CTNND2: variants seen among roughly 807,000 people sequenced by gnomAD.
The protein encoded by CTNND2 is catenin delta 2, also known as catenin delta-2.
Under a neutral mutation model 144.4 loss-of-function variants are expected in CTNND2, and 22 were observed. That is an observed-to-expected ratio of 0.15 (90% CI 0.11 to 0.22). The LOEUF is 0.22. Among genes scored for constraint, CTNND2 ranks in the 10% least tolerant of loss-of-function variants. CTNND2 has a pLI of 1.00. For synonymous variants in CTNND2, 751 were observed against 695.6 expected (o/e 1.08, Z -1.25); for missense variants, 1,353 against 1,618.8 (o/e 0.84, Z 2.82).
intron 2 of CTNND2, among the ~76,000 whole-genome samples, chr5:11,586,417 T>G (rs1410538137): frequency 3.2e-4 from 49 of 152,210 alleles, no homozygotes; most frequent in Admixed American, 3.2e-3. Context: ...CAAAAAACAT[T>G]TGTTGAATAC....
At chr5:11,050,576 T>C (rs538728183) in intron 16 of CTNND2, among the ~76,000 whole-genome samples, 13 of 152,326 alleles carry the variant, frequency 8.5e-5, no homozygotes, top group Non-Finnish European at 1.8e-4. Flanking sequence ...ATGGAGAGAC[T>C]GAATATGCAA....
At chr5:11,098,476 C>G in intron 15 of CTNND2, 99 bp downstream of exon 15, 1 of 1,067,390 alleles carries the variant, frequency 9.4e-7, no homozygotes, top group Non-Finnish European at 1.3e-6. Context: ...TCCTAGAAAT[C>G]TTTATTAGAG....
intron 18 of CTNND2, 24 bp downstream of exon 18, chr5:11,017,950 G>C (rs1241292582): frequency 1.3e-6 from 2 of 1,599,178 alleles, no homozygotes; most frequent in East Asian, 4.5e-5. Context: ...TTTGGACTCA[G>C]GGCCCAGGTG....
chr5:11,892,173 T>C (rs1305805970), intron 1 of CTNND2, among the ~76,000 whole-genome samples: 1 of 152,098 alleles, frequency 6.6e-6, no homozygotes, highest in Non-Finnish European at 1.5e-5. Context: ...AGCTTGTCGA[T>C]GATGGTGAAC....
intron 2 of CTNND2, among the ~76,000 whole-genome samples, chr5:11,710,338 C>A (rs1056127073): frequency 6.6e-6 from 1 of 151,964 alleles, no homozygotes; most frequent in Non-Finnish European, 1.5e-5. Flanking sequence ...GTCAAGGGAT[C>A]GAGATCATCC....
intron 3 of CTNND2, among the ~76,000 whole-genome samples, chr5:11,528,457 C>A (rs543594256): frequency 1.3e-5 from 2 of 152,222 alleles, no homozygotes; most frequent in Middle Eastern, 3.4e-3. Context: ...TTCAAGAGTT[C>A]GTCCTCCATG....
At chr5:11,670,796 G>A (rs922015348) in intron 2 of CTNND2, among the ~76,000 whole-genome samples, 2 of 152,122 alleles carry the variant, frequency 1.3e-5, no homozygotes, top group Non-Finnish European at 2.9e-5. Flanking sequence ...ATATTGTTAT[G>A]TATGAATTTG....
intron 1 of CTNND2, among the ~76,000 whole-genome samples, chr5:11,745,065 T>G (rs181769208): frequency 6.6e-6 from 1 of 152,140 alleles, no homozygotes; most frequent in Non-Finnish European, 1.5e-5. Flanking sequence ...TGACCTTGAA[T>G]TTGTTAATGA....
At chr5:11,831,517 A>G (rs375089270) in intron 1 of CTNND2, among the ~76,000 whole-genome samples, 166 of 151,922 alleles carry the variant, frequency 1.1e-3, no homozygotes, top group African/African-American at 3.9e-3. Flanking sequence ...AAATACAAAA[A>G]ATTAGCCAGG....
intron 3 of CTNND2, among the ~76,000 whole-genome samples, chr5:11,438,158 G>A (rs1159866105): frequency 6.6e-6 from 1 of 152,178 alleles, no homozygotes; most frequent in Non-Finnish European, 1.5e-5. Flanking sequence ...AAAACTAGGC[G>A]AAGAGGATCG....
chr5:11,745,872 T>C lies in CTNND2; in HGVS notation c.38-13600A>G, dbSNP rs1228600375. On this transcript the variant is annotated intron_variant, in intron 1 of 21. Coordinates refer to ENST00000304623, the MANE Select transcript of CTNND2 (RefSeq NM_001332.4). ...TTGACAGAAAATGTGTTTTAACTCA[T>C]GGCCCAATTACACATAATCATGTAT... Among the ~76,000 whole-genome samples the C allele has an allele frequency of 3.4e-4, 52 of 152,216 alleles. 1 individual carries two copies. The highest frequency in any genetic ancestry group is 3.4e-3 in the Admixed American group (52 of 15,274).
intron 2 of CTNND2, among the ~76,000 whole-genome samples, chr5:11,636,004 C>T (rs1337593792): frequency 6.6e-6 from 1 of 150,834 alleles, no homozygotes; most frequent in Non-Finnish European, 1.5e-5. Flanking sequence ...TTCTGAGGCC[C>T]TCCAAGCATC....
intron 1 of CTNND2, among the ~76,000 whole-genome samples, chr5:11,864,068 T>C (rs1255279866): frequency 3.9e-5 from 6 of 152,140 alleles, no homozygotes; most frequent in Admixed American, 3.9e-4. Flanking sequence ...TTCACTGCTC[T>C]GCTCAGGTCA....
At chr5:11,662,122 TATATATACATATATGTATATATACAC>T (rs1783248212) in intron 2 of CTNND2, among the ~76,000 whole-genome samples, 2 of 147,778 alleles carry the variant, frequency 1.4e-5, no homozygotes, top group African/African-American at 5.0e-5. Context: ...TGTGTGTATA[TATATATACATATATGTATATATACAC>T]ATATATATGT....
intron 16 of CTNND2, among the ~76,000 whole-genome samples, chr5:11,075,457 G>C (rs1748844857): frequency 6.6e-6 from 1 of 152,244 alleles, no homozygotes; most frequent in Admixed American, 6.5e-5. Flanking sequence ...AGAATGTAGG[G>C]AAACAGTCCT....
chr5:11,635,813 T>C (rs183602903), intron 2 of CTNND2, among the ~76,000 whole-genome samples: 11 of 152,260 alleles, frequency 7.2e-5, no homozygotes, highest in African/African-American at 2.4e-4. Context: ...CTGAGGAACC[T>C]GAAACCTTTA....
Position 11,346,512 on chromosome 5 carries a change from G to A in CTNND2, c.1488C>T (p.Ala496=), listed in dbSNP as rs1162947839. The part of the protein sequence containing the change: ...FQRASYAAGP[A]SNYADPYRQL... ...GTCGGTAGGGGTCCGCGTAATTGGA[G>A]GCTGGGCCGGCGGCATAGCTGGCCC... The change falls in exon 9 of 22, where the codon GCC becomes GCT. Residue 496 remains alanine, a synonymous_variant. Transcript: ENST00000304623. 2 of 1,606,430 alleles carry A rather than the reference G, an allele frequency of 1.2e-6. No homozygotes were observed. Among genetic ancestry groups the A allele is most frequent in the Non-Finnish European group, 1.7e-6 (2 of 1,176,804 alleles).
chr5:11,552,738 T>C (rs1468484693), intron 3 of CTNND2, among the ~76,000 whole-genome samples: 2 of 152,258 alleles, frequency 1.3e-5, no homozygotes, highest in African/African-American at 2.4e-5. Flanking sequence ...CTTGGAATCA[T>C]GTTCATGGTG....
chr5:11,845,963 A>G (rs2126993150), intron 1 of CTNND2, among the ~76,000 whole-genome samples: 1 of 152,316 alleles, frequency 6.6e-6, no homozygotes, highest in Non-Finnish European at 1.5e-5. Context: ...TTTGATTTGT[A>G]CTTTGACACA....
Sources: gnomAD v4.1 joint callset for allele counts (sites outside exome capture counted in the v4.1 genomes callset) on GRCh38, gnomAD v4.1.1 for gene constraint, MANE v1.5 for transcripts, NCBI Gene and HGNC (gene_info 2026-07-23, HGNC 2026-07-21) for gene names.